The following NALF2 variants were observed in gnomAD, a reference collection of about 807,000 sequenced individuals.
NALF2 encodes the protein NALCN channel auxiliary factor 2, also known as bB57D9.1 (TED protein).
In NALF2, 1 loss-of-function variant was observed where a neutral mutation model predicts 24.8. The ratio of observed to expected loss-of-function variants is 0.04; its 90% confidence interval spans 0.01 to 0.19. NALF2 has a LOEUF of 0.19. Among genes scored for constraint, NALF2 ranks in the 10% least tolerant of loss-of-function variants. The pLI, the probability that NALF2 is intolerant of heterozygous loss-of-function variation, is 1.00. For missense variants in NALF2, 458 were observed against 409.6 expected (o/e 1.12, Z -1.02); for synonymous variants, 254 against 189.8 (o/e 1.34, Z -2.78).
At position 69,528,193 on chromosome X, in the gene NALF2, AG is replaced by A. The variant is rs199903917; in HGVS notation, c.862-797del. Among the ~76,000 whole-genome samples, 9 of 111,804 alleles carry A rather than the reference AG, an allele frequency of 8.0e-5. No individual in the cohort carries two copies. The East Asian group carries it at 2.5e-3, about 31-fold the overall frequency. Reference sequence around the variant, plus strand: ...TGATGATAACCAAAGAGTATGGAGCAGGGAATCTTCCTTAGCTAGGACCCAG... The same window carrying A: ...TGATGATAACCAAAGAGTATGGAGCAGGAATCTTCCTTAGCTAGGACCCAG... On this transcript the variant is annotated intron_variant, in intron 1 of 2. Transcript: ENST00000252338.
chrX:69,505,678 G>C lies in NALF2; in HGVS notation c.396G>C (p.Pro132=). The C allele has an allele frequency of 9.9e-6, 12 of 1,207,462 alleles. No homozygotes were observed. The highest frequency in any genetic ancestry group is 1.3e-5 in the Non-Finnish European group (12 of 894,063). Residue 132 remains proline (P), a synonymous_variant, in exon 1 of 3, where the codon CCG becomes CCC. Transcript: ENST00000252338. ...CCGCCCCCGCCGCCGGCTCTCGGCC[G>C]GTCTGCGGCGGCGTCCCAGAGCCCA... ...TKAAPAAGSR[P]VCGGVPEPTG...
At chrX:69,521,572 C>T (rs1396813377) in intron 1 of NALF2, among the ~76,000 whole-genome samples, 1 of 112,120 alleles carries the variant, frequency 8.9e-6, no homozygotes, top group Non-Finnish European at 1.9e-5. Flanking sequence ...CTTACATTAG[C>T]CTACAATTAG....
At chrX:69,507,850 T>C (rs1930517697) in intron 1 of NALF2, among the ~76,000 whole-genome samples, 1 of 111,497 alleles carries the variant, frequency 9.0e-6, no homozygotes, top group African/African-American at 3.3e-5. Context: ...GTTTTGTTTT[T>C]TTCCTCAATC....
intron 1 of NALF2, among the ~76,000 whole-genome samples, chrX:69,525,673 C>T (rs1175500775): frequency 9.1e-6 from 1 of 109,480 alleles, no homozygotes; most frequent in Non-Finnish European, 1.9e-5. Context: ...CTATCTCACC[C>T]TCTGTTATGT....
intron 1 of NALF2, among the ~76,000 whole-genome samples, chrX:69,509,010 G>A (rs990699658): frequency 8.9e-6 from 1 of 112,450 alleles, no homozygotes; most frequent in African/African-American, 3.2e-5. Context: ...CTCTGCCTTT[G>A]CAATATCTGC....
intron 1 of NALF2, among the ~76,000 whole-genome samples, chrX:69,528,744 T>C (rs1385843196): frequency 8.9e-6 from 1 of 112,288 alleles, no homozygotes; most frequent in East Asian, 2.8e-4. Flanking sequence ...TTGTGATCTT[T>C]GCCAACACAC....
intron 1 of NALF2, among the ~76,000 whole-genome samples, chrX:69,516,926 A>G (rs1294070177): frequency 8.9e-6 from 1 of 111,775 alleles, no homozygotes; most frequent in East Asian, 2.8e-4. Flanking sequence ...AGAAAACTTT[A>G]CTCATGTGGA....
intron 1 of NALF2, among the ~76,000 whole-genome samples, chrX:69,516,878 C>G (rs937032398): frequency 9.0e-6 from 1 of 111,590 alleles, no homozygotes; most frequent in African/African-American, 3.3e-5. Context: ...TTTGTAGCAC[C>G]TAATATCCAA....
chrX:69,506,704 C>T (rs1448110549), intron 1 of NALF2, among the ~76,000 whole-genome samples: 3 of 113,089 alleles, frequency 2.7e-5, no homozygotes, highest in African/African-American at 9.6e-5. Context: ...CGAGGCAGGT[C>T]GAGCCCAGGG....
At chrX:69,506,520 C>G (rs1930490269) in intron 1 of NALF2, among the ~76,000 whole-genome samples, 1 of 113,305 alleles carries the variant, frequency 8.8e-6, no homozygotes. Flanking sequence ...GAGGCTGGAA[C>G]TGAACGTCCT....
At chrX:69,520,170 G>A (rs1433853098) in intron 1 of NALF2, among the ~76,000 whole-genome samples, 1 of 111,941 alleles carries the variant, frequency 8.9e-6, no homozygotes, top group East Asian at 2.8e-4. Context: ...AAGCAGCCAG[G>A]GTGAGCTAGG....
intron 1 of NALF2, among the ~76,000 whole-genome samples, chrX:69,509,875 C>T (rs962209221): frequency 1.2e-4 from 13 of 112,432 alleles, no homozygotes; most frequent in Non-Finnish European, 2.3e-4. Context: ...ACCTGTGTAA[C>T]CTTGAGCTAA....
intron 1 of NALF2, among the ~76,000 whole-genome samples, chrX:69,520,282 A>G (rs1930716351): frequency 8.9e-6 from 1 of 112,202 alleles, no homozygotes; most frequent in South Asian, 3.7e-4. Flanking sequence ...ATCAGGGAAC[A>G]TCTGCTCATG....
chrX:69,506,236 C>G lies in NALF2; in HGVS notation c.861+93C>G. On this transcript the variant is annotated intron_variant, in intron 1 of 2. Transcript: ENST00000252338. ...AGAAAAAAGGAAGTCTCCCTTTCTA[C>G]CCACCCCACCACTCCCACCGTGCCC... 6.2e-6 allele frequency: 6 copies of G among 974,238 alleles called. No individual in the cohort carries two copies. In the South Asian group the frequency reaches 8.8e-5, roughly 14 times the overall value. 80.3% of individuals were successfully genotyped at this position (974,238 alleles called of 1,213,427 possible). A position where few individuals can be genotyped will look rare whatever the true frequency, so the allele number is the denominator to read the frequency against.
At chrX:69,508,428 T>A (rs1169040356) in intron 1 of NALF2, among the ~76,000 whole-genome samples, 1 of 109,449 alleles carries the variant, frequency 9.1e-6, no homozygotes, top group Admixed American at 9.7e-5. Flanking sequence ...TGGCCTCACA[T>A]CAAGTTCCTG....
intron 1 of NALF2, among the ~76,000 whole-genome samples, chrX:69,521,510 A>C (rs1393336546): frequency 2.7e-5 from 3 of 111,308 alleles, no homozygotes; most frequent in Non-Finnish European, 5.7e-5. Flanking sequence ...AATACACCTA[A>C]CCTACCAAAC....
chrX:69,514,209 AAACTC>A (rs1930632712), intron 1 of NALF2, among the ~76,000 whole-genome samples: 2 of 108,217 alleles, frequency 1.8e-5, no homozygotes, highest in African/African-American at 6.7e-5. Context: ...AAAAAAAAAA[AAACTC>A]CCCATTCTTC....
At chrX:69,524,513 C>T (rs919157429) in intron 1 of NALF2, among the ~76,000 whole-genome samples, 2 of 111,657 alleles carry the variant, frequency 1.8e-5, no homozygotes, top group Non-Finnish European at 3.8e-5. Context: ...TGTTCTGAGA[C>T]ATTTCTTCCC....
intron 1 of NALF2, among the ~76,000 whole-genome samples, chrX:69,507,610 C>T (rs771450203): frequency 9.0e-6 from 1 of 111,412 alleles, no homozygotes; most frequent in African/African-American, 3.3e-5. Flanking sequence ...AAGCAGATGC[C>T]GTGTCACACA....
Sources: allele counts gnomAD v4.1 joint callset (sites outside exome capture counted in the v4.1 genomes callset), GRCh38; gene constraint gnomAD v4.1.1; transcripts MANE v1.5; gene names NCBI Gene and HGNC (gene_info 2026-07-23, HGNC 2026-07-21).